PALM2AKAP2: variants seen among roughly 807,000 people sequenced by gnomAD.
PALM2AKAP2 encodes PALM2 and AKAP2 fusion, also known as PALM2-AKAP2 fusion protein.
PALM2AKAP2 carries 37 observed loss-of-function variants against 71.5 expected under a neutral mutation model. The observed-to-expected ratio is 0.52, with a 90% CI of 0.40 to 0.68. The LOEUF is 0.68. Among genes scored for constraint, PALM2AKAP2 ranks in the 30% least tolerant of loss-of-function variants. PALM2AKAP2 has a pLI of 0.00. For synonymous variants in PALM2AKAP2, 468 were observed against 478.8 expected (o/e 0.98, Z 0.29); for missense variants, 1,224 against 1,191.8 (o/e 1.03, Z -0.40).
intron 1 of PALM2AKAP2, among the ~76,000 whole-genome samples, chr9:109,773,082 C>T (rs1829295524): frequency 1.3e-5 from 2 of 152,042 alleles, no homozygotes; most frequent in African/African-American, 2.4e-5. Flanking sequence ...CGTGCCACTG[C>T]ACTCCAGTCT....
At chr9:110,152,446 G>C (rs1253399381) in intron 2 of PALM2AKAP2, among the ~76,000 whole-genome samples, 1 of 152,122 alleles carries the variant, frequency 6.6e-6, no homozygotes, top group African/African-American at 2.4e-5. Context: ...ATGCACACTG[G>C]ATCAGTGAAA....
At chr9:109,762,952 T>G (rs376497462) in intron 1 of PALM2AKAP2, among the ~76,000 whole-genome samples, 38 of 152,166 alleles carry the variant, frequency 2.5e-4, no homozygotes, top group African/African-American at 8.7e-4. Flanking sequence ...TCAAAGATGT[T>G]AAGACCATGT....
chr9:110,048,599 ACT>A (rs562186673), upstream of PALM2AKAP2: 2,151 of 1,239,926 alleles, frequency 1.7e-3, 29 homozygotes, highest in African/African-American at 0.03. Flanking sequence ...GCGCTGGGCT[ACT>A]GGAGGGGAAG....
At chr9:110,020,547 G>A (rs1238022841) in intron 7 of PALM2AKAP2, among the ~76,000 whole-genome samples, 1 of 152,044 alleles carries the variant, frequency 6.6e-6, no homozygotes, top group Non-Finnish European at 1.5e-5. Flanking sequence ...CCCGGGCGTG[G>A]TGATGCATGC....
At chr9:109,809,078 G>C (rs1587926634) in intron 1 of PALM2AKAP2, among the ~76,000 whole-genome samples, 1 of 152,226 alleles carries the variant, frequency 6.6e-6, no homozygotes, top group African/African-American at 2.4e-5. Flanking sequence ...GAGAACCTCT[G>C]CTAGGGCAGT....
At chr9:109,751,539 T>C (rs367861298) in intron 1 of PALM2AKAP2, among the ~76,000 whole-genome samples, 3 of 152,192 alleles carry the variant, frequency 2.0e-5, no homozygotes, top group African/African-American at 7.2e-5. Flanking sequence ...CTAAAAGTCA[T>C]ATGTACACAT....
At chr9:110,016,253 C>T (rs1265148290) in intron 7 of PALM2AKAP2, among the ~76,000 whole-genome samples, 1 of 152,104 alleles carries the variant, frequency 6.6e-6, no homozygotes, top group Admixed American at 6.6e-5. Context: ...TGCCCGACCT[C>T]GTCTGAAACT....
chr9:109,647,912 C>G (rs993766422), intron 1 of PALM2AKAP2, among the ~76,000 whole-genome samples: 1 of 152,144 alleles, frequency 6.6e-6, no homozygotes, highest in Non-Finnish European at 1.5e-5. Flanking sequence ...ACTTAGCCCC[C>G]CTTTTACCAT....
At chr9:109,672,289 T>C (rs975978096) in intron 1 of PALM2AKAP2, among the ~76,000 whole-genome samples, 1 of 152,200 alleles carries the variant, frequency 6.6e-6, no homozygotes, top group Non-Finnish European at 1.5e-5. Context: ...CAATACCTAT[T>C]TTACTGAGAG....
At chr9:109,999,475 G>A (rs1832639835) in intron 6 of PALM2AKAP2, among the ~76,000 whole-genome samples, 1 of 151,822 alleles carries the variant, frequency 6.6e-6, no homozygotes, top group South Asian at 2.1e-4. Context: ...CCAGTTTAGG[G>A]GGATGGACTG....
chr9:109,995,549 A>G (rs1010623203), intron 6 of PALM2AKAP2, among the ~76,000 whole-genome samples: 2 of 152,216 alleles, frequency 1.3e-5, no homozygotes, highest in Non-Finnish European at 2.9e-5. Flanking sequence ...TCATGACAGA[A>G]GGTGAAGGAG....
intron 1 of PALM2AKAP2, among the ~76,000 whole-genome samples, chr9:109,861,091 C>T (rs1408306965): frequency 2.0e-5 from 3 of 152,184 alleles, no homozygotes; most frequent in African/African-American, 4.8e-5. Context: ...CCCTGGGGCG[C>T]GAGGTATCAG....
chr9:110,088,168 G>A (rs1802432264), intron 1 of PALM2AKAP2, among the ~76,000 whole-genome samples: 1 of 134,996 alleles, frequency 7.4e-6, no homozygotes, highest in South Asian at 2.2e-4. Flanking sequence ...AGCAGCTCAA[G>A]GGACTGGTTA....
At position 109,799,714 on chromosome 9, in the gene PALM2AKAP2, C is replaced by T. The variant is rs574060319; in HGVS notation, c.45+19181C>T. On this transcript the variant is annotated intron_variant, in intron 1 of 9. Transcript: ENST00000302798. ...TTTCACCATGTTCCCAGGCTTGTCT[C>T]GAACTCCTGGGCTCAAACAGTCCAC... Among the ~76,000 whole-genome samples, 19 of 152,240 alleles carry T rather than the reference C, an allele frequency of 1.2e-4. 1 individual carries two copies. Among genetic ancestry groups the T allele is most frequent in the Non-Finnish European group, 2.2e-4 (15 of 68,004 alleles).
chr9:110,019,998 C>T (rs1833045681), intron 7 of PALM2AKAP2, among the ~76,000 whole-genome samples: 1 of 152,012 alleles, frequency 6.6e-6, no homozygotes, highest in Non-Finnish European at 1.5e-5. Flanking sequence ...ATATAACTGC[C>T]TGGAGCTCAT....
chr9:109,894,452 A>C (rs1830154723), intron 3 of PALM2AKAP2, among the ~76,000 whole-genome samples: 1 of 152,216 alleles, frequency 6.6e-6, no homozygotes, highest in South Asian at 2.1e-4. Context: ...TAATATTGAA[A>C]GTATGGTCCA....
At chr9:109,856,065 T>TGAGTTTA (rs1829156061) in intron 1 of PALM2AKAP2, among the ~76,000 whole-genome samples, 2 of 152,218 alleles carry the variant, frequency 1.3e-5, no homozygotes, top group African/African-American at 4.8e-5. Context: ...ATTAGGTGGT[T>TGAGTTTA]GAGTTTATTT....
At chr9:110,112,956 T>A (rs1396561208) in intron 1 of PALM2AKAP2, among the ~76,000 whole-genome samples, 1 of 152,268 alleles carries the variant, frequency 6.6e-6, no homozygotes, top group Non-Finnish European at 1.5e-5. Flanking sequence ...CACCTCATCA[T>A]CAACTAAAGT....
At chr9:109,843,008 C>T (rs917515234) in intron 1 of PALM2AKAP2, among the ~76,000 whole-genome samples, 5 of 151,726 alleles carry the variant, frequency 3.3e-5, no homozygotes, top group Non-Finnish European at 7.4e-5. Context: ...GGCGTGGTGG[C>T]GCATGCTTGT....
Sources: gnomAD v4.1 joint callset for allele counts (sites outside exome capture counted in the v4.1 genomes callset) on GRCh38, gnomAD v4.1.1 for gene constraint, MANE v1.5 for transcripts, NCBI Gene and HGNC (gene_info 2026-07-23, HGNC 2026-07-21) for gene names.